Variants in ABCB8 observed in about 807,000 individuals in gnomAD.
The protein encoded by ABCB8 is mitochondrial potassium channel ATP-binding subunit.
A neutral mutation model predicts 73.0 loss-of-function variants in ABCB8; 52 were observed. The observed-to-expected ratio is 0.71, with a 90% CI of 0.57 to 0.90. ABCB8 has a LOEUF of 0.90. Among genes scored for constraint, ABCB8 ranks in the 40% least tolerant of loss-of-function variants. ABCB8 has a pLI of 0.00. For missense variants in ABCB8, 909 were observed against 974.6 expected, an observed-to-expected ratio of 0.93 and a Z score of 0.90; for synonymous variants, 428 against 423.5, an observed-to-expected ratio of 1.01 and a Z score of -0.13.
intron 1 of ABCB8, among the ~76,000 whole-genome samples, chr7:151,031,815 G>A (rs926564497): frequency 6.6e-6 from 1 of 151,876 alleles, no homozygotes; most frequent in Admixed American, 6.6e-5. Context: ...TAGAGACAAG[G>A]TTTCAACATG....
At chr7:151,037,488 C>T (rs986479975) in intron 9 of ABCB8, 9 of 610,510 alleles carry the variant, frequency 1.5e-5, no homozygotes, top group African/African-American at 1.1e-4. Context: ...CAGCTCAAGG[C>T]GGGCCTCCCC....
intron 1 of ABCB8, 115 bp downstream of exon 1, chr7:151,028,725 C>G: frequency 2.6e-6 from 4 of 1,543,850 alleles, no homozygotes; most frequent in Non-Finnish European, 3.5e-6. Flanking sequence ...AGCTGTAGGC[C>G]AGGCCTACCG....
rs145594004 is a variant in ABCB8, at chr7:151,040,918, C to T, written c.1479C>T (p.Gly493=). 3.2e-3 allele frequency: 5,092 copies of T among 1,603,094 alleles called. 16 individuals carry two copies. Among genetic ancestry groups the T allele is most frequent in the Non-Finnish European group, 3.9e-3 (4,640 of 1,174,838 alleles). Residue 493 remains glycine (G), a synonymous_variant, in exon 12 of 16, where the codon GGC becomes GGT. Transcript: ENST00000358849. ...GKIVALVGQS[G]GGKTTVASLL... ...TCGTGGCCCTCGTGGGCCAGTCTGG[C>T]GGAGGTAAGGGGAGCCCACCACCTC...
At position 151,033,839 on chromosome 7, in the gene ABCB8, C is replaced by T. The variant is rs149897534; in HGVS notation, c.330C>T (p.Val110=). The T allele has an allele frequency of 2.7e-4, 431 of 1,613,890 alleles. 1 individual carries two copies. In the African/African-American group the frequency reaches 5.1e-3, roughly 19 times the overall value. ...EAPPASSTPH[V]VGSRFNWKLF... Reference sequence around the variant, plus strand: ...CTCCTGCCAGCTCCACACCCCATGTCGTGGGGTCTCGCTTTAACTGGAAGC... The same window carrying T: ...CTCCTGCCAGCTCCACACCCCATGTTGTGGGGTCTCGCTTTAACTGGAAGC... The change falls in exon 2 of 16, where the codon GTC becomes GTT. Residue 110 remains valine, a synonymous_variant. Coordinates refer to ENST00000358849, the MANE Select transcript of ABCB8 (RefSeq NM_007188.5).
intron 14 of ABCB8, 141 bp downstream of exon 14, chr7:151,042,249 C>A: frequency 7.8e-7 from 1 of 1,282,090 alleles, no homozygotes; most frequent in Non-Finnish European, 1.1e-6. Flanking sequence ...AGACGAGAAC[C>A]ACAGCCAAAG....
chr7:151,041,204 G>T lies in ABCB8; in HGVS notation c.1589G>T (p.Arg530Leu). The T allele has an allele frequency of 6.2e-7, 1 of 1,605,514 alleles. No homozygotes were observed. The highest frequency in any genetic ancestry group is 1.3e-5 in the African/African-American group (1 of 75,064). Residue 530 changes from arginine (R) to leucine (L), a missense_variant, in exon 13 of 16, where the codon CGG (arginine) becomes CTG (leucine). Arg to Leu is a moderately radical substitution (Grantham distance 102). Coordinates refer to ENST00000358849, the MANE Select transcript of ABCB8 (RefSeq NM_007188.5). ...DLRTLDPSWLRGQVVGFISQE... is the reference protein window; with the variant it reads ...DLRTLDPSWLLGQVVGFISQE... ...CGCACCCTTGACCCCTCCTGGCTCC[G>T]GGGCCAGGTTGTCGGCTTCATCAGC...
chr7:151,031,779 C>T (rs1181479479), intron 1 of ABCB8, among the ~76,000 whole-genome samples: 1 of 152,128 alleles, frequency 6.6e-6, no homozygotes, highest in Non-Finnish European at 1.5e-5. Context: ...CACAGGCACA[C>T]ACCACCACAT....
rs1339425918 is a variant in ABCB8 at position 151,044,234 on chromosome 7, G to A, written c.2016+13G>A. ...CCGTGTCTGGGAGGTTAGTTGTCCT[G>A]GGGGCGTGGATCAGTGGGTTGAGGA... On this transcript the variant is annotated intron_variant, in intron 15 of 15. Coordinates refer to ENST00000358849, the MANE Select transcript of ABCB8 (RefSeq NM_007188.5). The A allele has an allele frequency of 1.3e-6, 2 of 1,593,778 alleles. No homozygotes were observed. Among genetic ancestry groups the A allele is most frequent in the East Asian group, 4.5e-5 (2 of 44,348 alleles).
chr7:151,030,713 G>A (rs1796140007), intron 1 of ABCB8, among the ~76,000 whole-genome samples: 1 of 152,160 alleles, frequency 6.6e-6, no homozygotes, highest in South Asian at 2.1e-4. Context: ...GCCGGGGCAG[G>A]CAGATCACTT....
chr7:151,028,714 G>C, intron 1 of ABCB8, 104 bp downstream of exon 1: 2 of 1,550,996 alleles, frequency 1.3e-6, no homozygotes, highest in Non-Finnish European at 8.7e-7. Context: ...GGCTTGCTGG[G>C]AGCTGTAGGC....
At chr7:151,037,045 G>A (rs535042524) in intron 9 of ABCB8, 33 of 687,446 alleles carry the variant, frequency 4.8e-5, no homozygotes, top group Non-Finnish European at 8.5e-5. Flanking sequence ...GTCACCGTCC[G>A]CCTCCAGAAC....
At chr7:151,031,971 C>T (rs546662792) in intron 1 of ABCB8, among the ~76,000 whole-genome samples, 323 of 152,314 alleles carry the variant, frequency 2.1e-3, no homozygotes, top group African/African-American at 7.2e-3. Context: ...TAAAAATCAC[C>T]ATGACCCTTA....
rs144112099 is a variant in ABCB8, at chr7:151,044,047, G to C, written c.1842G>C (p.Thr614=). Reference sequence around the variant, plus strand: ...CCCGAGCCCTTATCAAGCAGCCCACGGTGCTGATACTGGATGAAGCTACCA... The same window carrying C: ...CCCGAGCCCTTATCAAGCAGCCCACCGTGCTGATACTGGATGAAGCTACCA... ...AIARALIKQP[T]VLILDEATSA... is the part of the protein sequence containing the mutation. Residue 614 remains threonine, a synonymous_variant, in exon 15 of 16, where the codon ACG becomes ACC. Coordinates refer to ENST00000358849, the MANE Select transcript of ABCB8 (RefSeq NM_007188.5). 9.9e-6 allele frequency: 16 copies of C among 1,613,446 alleles called. No individual in the cohort carries two copies. The highest frequency in any genetic ancestry group is 1.1e-5 in the Non-Finnish European group (13 of 1,179,914).
chr7:151,033,503 G>T (rs1796218976), intron 1 of ABCB8, 102 bp from the exon 2 acceptor site: 7 of 1,487,190 alleles, frequency 4.7e-6, no homozygotes, highest in Non-Finnish European at 6.3e-6. Flanking sequence ...GACAGAAGAG[G>T]AAGTGCTCCT....
chr7:151,036,277 C>G (rs537104835), intron 8 of ABCB8, 107 bp downstream of exon 8: 1 of 1,155,700 alleles, frequency 8.7e-7, no homozygotes, highest in African/African-American at 1.6e-5. Context: ...TGCCTGCATT[C>G]GCCTCGGGCC....
rs892124556 is a variant in ABCB8 at position 151,047,247 on chromosome 7, A to C, written c.*1898A>C. ...AGAGAAGCAGTGAAACCCCTTGGCT[A>C]GTCCAGCTGGAAGAGCTAGACCGCA... On this transcript the variant is annotated 3_prime_UTR_variant, in exon 16 of 16. Coordinates refer to ENST00000358849, the MANE Select transcript of ABCB8 (RefSeq NM_007188.5). 6.6e-6 allele frequency: 1 copy of C among 151,736 alleles called. No individual in the cohort carries two copies. The highest frequency in any genetic ancestry group is 2.4e-5 in the African/African-American group (1 of 41,222). The allele number at this position is 151,736 out of a possible 1,614,324, so 9.4% of individuals were successfully genotyped here. A position where few individuals can be genotyped will look rare whatever the true frequency, so the allele number is the denominator to read the frequency against.
At position 151,035,569 on chromosome 7, in the gene ABCB8, C is replaced by T; in HGVS notation, c.766-12C>T. 6.3e-7 allele frequency: 1 copy of T among 1,581,792 alleles called. No homozygotes were observed. The highest frequency in any genetic ancestry group is 2.3e-5 in the East Asian group (1 of 44,278). On this transcript the variant is annotated splice_polypyrimidine_tract_variant and intron_variant, in intron 5 of 15. Transcript: ENST00000358849. ...GACGCCGTAGCCTCCCGCCTTCCCT[C>T]CCACTCCCTAGGGGCTGCGAAGCTG...
intron 1 of ABCB8, among the ~76,000 whole-genome samples, chr7:151,030,076 C>T (rs1268474726): frequency 6.6e-6 from 1 of 152,160 alleles, no homozygotes; most frequent in Admixed American, 6.5e-5. Context: ...AAAAACAGTT[C>T]TTAGGAAAGA....
chr7:151,034,767 G>T lies in ABCB8; in HGVS notation c.703G>T (p.Val235Leu), dbSNP rs768969110. 30 of 1,614,106 alleles carry T rather than the reference G, an allele frequency of 1.9e-5. No individual in the cohort carries two copies. The highest frequency in any genetic ancestry group is 2.4e-5 in the Non-Finnish European group (28 of 1,179,986). Residue 235 changes from valine to leucine, a missense_variant, in exon 5 of 16, where the codon GTG becomes TTG. Coordinates refer to ENST00000358849, the MANE Select transcript of ABCB8 (RefSeq NM_007188.5). ...TGACGCCAATAAGACAGGGCAGCTG[G>T]TGAGCCGCTTGACAACTGACGTGCA... ...FFDANKTGQL[V>L]SRLTTDVQEF...
Sources: allele counts gnomAD v4.1 joint callset (sites outside exome capture counted in the v4.1 genomes callset), GRCh38; gene constraint gnomAD v4.1.1; transcripts MANE v1.5; gene names NCBI Gene and HGNC (gene_info 2026-07-23, HGNC 2026-07-21).